ZNF292: variants seen among roughly 807,000 people sequenced by gnomAD.
The protein encoded by ZNF292 is 16 zinc-finger domain protein.
In ZNF292, 26 loss-of-function variants were observed where a neutral mutation model predicts 217.9. The observed-to-expected ratio is 0.12, with a 90% CI of 0.09 to 0.17. The LOEUF is 0.17. ZNF292 is among the 10% of genes least tolerant of loss of function. The pLI is 1.00. For missense variants in ZNF292, 2,904 were observed against 3,175.2 expected, an observed-to-expected ratio of 0.91 and a Z score of 2.05; for synonymous variants, 1,257 against 1,124.1, an observed-to-expected ratio of 1.12 and a Z score of -2.37.
Position 87,261,184 on chromosome 6 carries a change from C to T in ZNF292, c.7555C>T (p.Leu2519Phe). Residue 2519 changes from leucine (L) to phenylalanine (F), a missense_variant, in exon 8 of 8, where the codon CTC (leucine) becomes TTC (phenylalanine). By Grantham distance (22) the Leu-to-Phe change is conservative. Coordinates refer to ENST00000369577, the MANE Select transcript of ZNF292 (RefSeq NM_015021.3). ...NVSNDFQEDN[L>F]CQSERQKASN... ...AAGTAATGATTTTCAGGAAGATAAC[C>T]TCTGCCAGTCAGAAAGACAAAAAGC... 6.2e-7 allele frequency: 1 copy of T among 1,612,768 alleles called. No individual in the cohort carries two copies. Among genetic ancestry groups the T allele is most frequent in the Non-Finnish European group, 8.5e-7 (1 of 1,179,498 alleles).
chr6:87,197,203 C>G (rs1335938344), intron 1 of ZNF292, among the ~76,000 whole-genome samples: 1 of 152,108 alleles, frequency 6.6e-6, no homozygotes, highest in Non-Finnish European at 1.5e-5. Flanking sequence ...GAGAAAACAA[C>G]CTTTTGGGAA....
chr6:87,189,751 T>C (rs959605968), intron 1 of ZNF292, among the ~76,000 whole-genome samples: 1 of 152,150 alleles, frequency 6.6e-6, no homozygotes, highest in African/African-American at 2.4e-5. Context: ...GGTTTAATAC[T>C]GTTTGTCAGA....
rs1044703903 is a variant in ZNF292, at chr6:87,197,745, A to G, written c.169-18158A>G. ...TTCAAAAAAAAAAAAAAAAAAAAAA[A>G]GCATTCATTAGAGCCTGAGTTAGTT... is the stretch of plus-strand genomic sequence containing the variant. On this transcript the variant is annotated intron_variant, in intron 1 of 7. Transcript: ENST00000369577. Among the ~76,000 whole-genome samples, 9 of 132,850 alleles carry G rather than the reference A, an allele frequency of 6.8e-5. No homozygotes were observed. In the South Asian group the frequency reaches 1.3e-3, roughly 19 times the overall value. The allele number at this position is 132,850 out of a possible 152,430, so 87.2% of individuals were successfully genotyped here. A position where few individuals can be genotyped will look rare whatever the true frequency, so the allele number is the denominator to read the frequency against.
intron 1 of ZNF292, among the ~76,000 whole-genome samples, chr6:87,181,766 C>G (rs146062552): frequency 1.6e-3 from 246 of 152,176 alleles, no homozygotes; most frequent in Middle Eastern, 3.4e-3. Flanking sequence ...ACTGCAACCT[C>G]CGCCTCCTGG....
intron 5 of ZNF292, 130 bp from the exon 6 acceptor site, chr6:87,243,345 G>A: frequency 2.1e-6 from 1 of 486,028 alleles, no homozygotes; most frequent in Non-Finnish European, 3.0e-6. Context: ...TAACTGACTT[G>A]ATAGTGTATG....
At chr6:87,252,448 C>G (rs890922594) in intron 7 of ZNF292, among the ~76,000 whole-genome samples, 1 of 152,208 alleles carries the variant, frequency 6.6e-6, no homozygotes, top group African/African-American at 2.4e-5. Flanking sequence ...GCCACCACAC[C>G]AGGCCTCTCT....
intron 1 of ZNF292, among the ~76,000 whole-genome samples, chr6:87,203,469 C>T (rs781412479): frequency 2.0e-5 from 3 of 152,026 alleles, no homozygotes; most frequent in Admixed American, 1.3e-4. Context: ...ATTATCCTCA[C>T]GTTTCTAGGA....
chr6:87,246,573 T>C (rs1204514807), intron 7 of ZNF292, among the ~76,000 whole-genome samples: 1 of 152,206 alleles, frequency 6.6e-6, no homozygotes, highest in African/African-American at 2.4e-5. Flanking sequence ...TATACAGATA[T>C]AAGATCCTGG....
chr6:87,255,974 T>C lies in ZNF292; in HGVS notation c.2345T>C (p.Met782Thr). Residue 782 changes from methionine to threonine, a missense_variant, in exon 8 of 8, where the codon ATG becomes ACG. Physicochemically the swap from Met to Thr is moderately conservative, Grantham distance 81. This residue lies in a region of ZNF292 where 216 missense variants were observed against 308.3 expected (regional missense o/e 0.70). Transcript: ENST00000369577. ...KEHQVFRAKC[M>T]FPKCGRIFSE... ...CATCAAGTCTTTAGAGCAAAATGTA[T>C]GTTTCCTAAATGTGGAAGAATTTTT... 6.2e-7 allele frequency: 1 copy of C among 1,610,872 alleles called. No homozygotes were observed. Among genetic ancestry groups the C allele is most frequent in the Non-Finnish European group, 8.5e-7 (1 of 1,178,196 alleles).
intron 1 of ZNF292, among the ~76,000 whole-genome samples, chr6:87,198,212 ATTTATTTT>A (rs1236800991): frequency 2.2e-5 from 2 of 89,680 alleles, no homozygotes; most frequent in African/African-American, 9.3e-5. Context: ...TTATTTATTT[ATTTATTTT>A]TTGAGATGGA....
At chr6:87,178,109 A>G (rs1446016918) in intron 1 of ZNF292, among the ~76,000 whole-genome samples, 1 of 152,062 alleles carries the variant, frequency 6.6e-6, no homozygotes. Flanking sequence ...GGCTATTCAA[A>G]TTCTACATTT....
intron 4 of ZNF292, among the ~76,000 whole-genome samples, chr6:87,226,909 A>AC (rs1208647119): frequency 6.6e-6 from 1 of 151,838 alleles, no homozygotes; most frequent in Non-Finnish European, 1.5e-5. Context: ...CAAACTCCTG[A>AC]CCTCAGGTGA....
rs1775435970 is a variant in ZNF292 at position 87,259,476 on chromosome 6, T to C, written c.5847T>C (p.Cys1949=). ...AATTGAAATTTGCTCCCTTTAAATG[T>C]GTAGTACCTACATGTACAAAAACAT... The part of the protein sequence containing the change: ...KNQLKFAPFK[C]VVPTCTKTFT... Residue 1949 remains cysteine (C), a synonymous_variant, in exon 8 of 8, where the codon TGT becomes TGC. Transcript: ENST00000369577. 1 of 1,588,998 alleles carries C rather than the reference T, an allele frequency of 6.3e-7. No homozygotes were observed. The highest frequency in any genetic ancestry group is 1.8e-5 in the Admixed American group (1 of 56,058).
chr6:87,222,780 A>C (rs1032986521), intron 4 of ZNF292: 1 of 451,670 alleles, frequency 2.2e-6, no homozygotes, highest in Non-Finnish European at 4.4e-6. Context: ...GATTCCATCC[A>C]GGATACCACA....
chr6:87,170,964 A>G (rs1771076945), intron 1 of ZNF292, among the ~76,000 whole-genome samples: 1 of 152,186 alleles, frequency 6.6e-6, no homozygotes, highest in South Asian at 2.1e-4. Context: ...CACTTAGACT[A>G]CTTTGGAAAC....
At chr6:87,156,420 C>T (rs1770542132) in intron 1 of ZNF292, among the ~76,000 whole-genome samples, 1 of 152,236 alleles carries the variant, frequency 6.6e-6, no homozygotes, top group South Asian at 2.1e-4. Context: ...CTTGGTGCAT[C>T]ACTTCTGTGG....
Position 87,257,032 on chromosome 6 carries a change from A to G in ZNF292, c.3403A>G (p.Lys1135Glu). ...ATATGCTGCATTTAAAATGCAGCGC[A>G]AAAGTAAAAAAGGTCAGAAAGCTAA... is the stretch of plus-strand genomic sequence containing the variant. ...DQYAAFKMQR[K>E]SKKGQKANNL... The change falls in exon 8 of 8, where the codon AAA becomes GAA. Residue 1135 changes from lysine (K) to glutamate (E), a missense_variant. By Grantham distance (56) the Lys-to-Glu change is moderately conservative. Coordinates refer to ENST00000369577, the MANE Select transcript of ZNF292 (RefSeq NM_015021.3). 6.2e-7 allele frequency: 1 copy of G among 1,613,822 alleles called. No individual in the cohort carries two copies. Among genetic ancestry groups the G allele is most frequent in the South Asian group, 1.1e-5 (1 of 91,086 alleles).
chr6:87,245,868 A>G (rs1774551396), intron 7 of ZNF292, among the ~76,000 whole-genome samples: 1 of 152,232 alleles, frequency 6.6e-6, no homozygotes, highest in Non-Finnish European at 1.5e-5. Flanking sequence ...AGTAATATGT[A>G]ATACTTAAAT....
chr6:87,177,003 C>G (rs1368809188), intron 1 of ZNF292, among the ~76,000 whole-genome samples: 1 of 152,106 alleles, frequency 6.6e-6, no homozygotes, highest in Admixed American at 6.6e-5. Flanking sequence ...TCCCCCGGCC[C>G]CCCACTCCTC....
Sources: gnomAD v4.1 joint callset for allele counts (sites outside exome capture counted in the v4.1 genomes callset) on GRCh38, gnomAD v4.1.1 for gene constraint, gnomAD v4.1.1 regional missense constraint, MANE v1.5 for transcripts, NCBI Gene and HGNC (gene_info 2026-07-23, HGNC 2026-07-21) for gene names.